The following SNX6 variants were observed in gnomAD, a reference collection of about 807,000 sequenced individuals.
SNX6 encodes sorting nexin 6.
A neutral mutation model predicts 63.0 loss-of-function variants in SNX6; 34 were observed. That is an observed-to-expected ratio of 0.54 (90% CI 0.41 to 0.72). SNX6 has a LOEUF of 0.72. Ranked by LOEUF, SNX6 falls within the 30% of genes least tolerant of loss-of-function variation. The pLI, the probability that SNX6 is intolerant of heterozygous loss-of-function variation, is 0.00. For missense variants in SNX6, 398 were observed against 471.4 expected (o/e 0.84, Z 1.44); for synonymous variants, 170 against 164.2 (o/e 1.04, Z -0.27).
chr14:34,603,505 C>T, intron 5 of SNX6, 34 bp from the exon 6 acceptor site: 1 of 1,517,576 alleles, frequency 6.6e-7, no homozygotes, highest in Non-Finnish European at 8.8e-7. Context: ...AGGTAAAAAA[C>T]TCCATCAACT....
At chr14:34,578,432 G>A (rs868148378) in intron 10 of SNX6, among the ~76,000 whole-genome samples, 10 of 151,598 alleles carry the variant, frequency 6.6e-5, no homozygotes, top group African/African-American at 2.4e-4. Flanking sequence ...AGGAGTTCGA[G>A]GCCAGCCTGG....
At chr14:34,592,896 C>T in intron 8 of SNX6, 149 bp downstream of exon 8, 1 of 602,590 alleles carries the variant, frequency 1.7e-6, no homozygotes, top group Non-Finnish European at 2.9e-6. Flanking sequence ...TTTGACCTCA[C>T]AGGCTCACTA....
In SNX6 at chr14:34,630,104, C is replaced by T. The variant is rs991809147; in HGVS notation, c.6+7G>A. 1.0e-5 allele frequency: 15 copies of T among 1,441,418 alleles called. No individual in the cohort carries two copies. Among genetic ancestry groups the T allele is most frequent in the South Asian group, 2.8e-5 (2 of 71,050 alleles). 89.3% of individuals were successfully genotyped at this position (1,441,418 alleles called of 1,614,324 possible). A position where few individuals can be genotyped will look rare whatever the true frequency, so the allele number is the denominator to read the frequency against. ...TCCCGGGACTCGGCGCCGCGGAGAA[C>T]ACCCACCATCATGGCTGCTCCGAGG... On this transcript the variant is annotated splice_region_variant and intron_variant, in intron 1 of 13. Transcript: ENST00000362031.
chr14:34,616,107 C>G (rs1476667165), intron 2 of SNX6, among the ~76,000 whole-genome samples: 2 of 152,092 alleles, frequency 1.3e-5, no homozygotes, highest in Non-Finnish European at 2.9e-5. Context: ...AGGCATGTGC[C>G]ACCACACCCA....
chr14:34,584,363 G>A lies in SNX6; in HGVS notation c.794+1867C>T, dbSNP rs148392665. Among the ~76,000 whole-genome samples the A allele has an allele frequency of 3.3e-5, 5 of 151,660 alleles. No homozygotes were observed. In the East Asian group the frequency reaches 9.8e-4, roughly 30 times the overall value. ...GTCGCCCAGGCTGGGGTGCAGTGGT[G>A]TGATCTTGGCTCACTGCAATCTCTG... On this transcript the variant is annotated intron_variant, in intron 9 of 13. Coordinates refer to ENST00000362031, the MANE Select transcript of SNX6 (RefSeq NM_152233.4).
chr14:34,568,555 C>G (rs1277635039), intron 11 of SNX6: 3 of 543,086 alleles, frequency 5.5e-6, no homozygotes, highest in Non-Finnish European at 9.9e-6. Context: ...AGGCAGGTCT[C>G]AAACTCCTGG....
At chr14:34,615,672 G>T (rs1003365181) in intron 2 of SNX6, among the ~76,000 whole-genome samples, 4 of 151,588 alleles carry the variant, frequency 2.6e-5, no homozygotes, top group Non-Finnish European at 4.4e-5. Context: ...GGAGTGCAGC[G>T]GTGCAATCAT....
intron 6 of SNX6, 83 bp downstream of exon 6, chr14:34,603,265 G>A (rs1882894080): frequency 7.4e-7 from 1 of 1,355,710 alleles, no homozygotes; most frequent in Non-Finnish European, 9.9e-7. Context: ...CAGCCTGGAA[G>A]ACAGAGCGAG....
chr14:34,615,953 C>A (rs914432853), intron 2 of SNX6, among the ~76,000 whole-genome samples: 2 of 151,950 alleles, frequency 1.3e-5, no homozygotes, highest in African/African-American at 4.8e-5. Flanking sequence ...ATAGGAATGT[C>A]CTTTTTTATT....
At chr14:34,605,546 A>T in intron 5 of SNX6, 50 bp downstream of exon 5, 1 of 1,443,714 alleles carries the variant, frequency 6.9e-7, no homozygotes, top group Non-Finnish European at 9.2e-7. Flanking sequence ...CAATTAACAA[A>T]GGCAACAACA....
chr14:34,610,107 G>T (rs562058133), intron 2 of SNX6, among the ~76,000 whole-genome samples: 2 of 151,680 alleles, frequency 1.3e-5, no homozygotes, highest in African/African-American at 4.9e-5. Flanking sequence ...ACTTTAGGAG[G>T]CTGAAGCGGG....
At chr14:34,591,900 TA>T (rs1346443768) in intron 8 of SNX6, among the ~76,000 whole-genome samples, 2 of 152,182 alleles carry the variant, frequency 1.3e-5, no homozygotes, top group Non-Finnish European at 2.9e-5. Flanking sequence ...AAAAATTAGC[TA>T]GTTCAATCAC....
chr14:34,622,180 T>C (rs550699254), intron 2 of SNX6, among the ~76,000 whole-genome samples: 20 of 151,060 alleles, frequency 1.3e-4, no homozygotes, highest in Non-Finnish European at 8.9e-5. Flanking sequence ...CAGGCTGGTG[T>C]TGAACTCCTT....
chr14:34,570,062 G>GT (rs535291142), intron 11 of SNX6, among the ~76,000 whole-genome samples: 6,214 of 149,002 alleles, frequency 0.042, 212 homozygotes, highest in African/African-American at 0.094. Flanking sequence ...TTTTTTTGGG[G>GT]TTTTTTTTTT....
chr14:34,629,999 G>A, intron 1 of SNX6, 45 bp from the exon 2 acceptor site: 4 of 1,520,510 alleles, frequency 2.6e-6, no homozygotes, highest in South Asian at 1.2e-5. Context: ...AGGATGAGAT[G>A]GGGGAGACAC....
At chr14:34,622,812 C>T (rs58688462) in intron 2 of SNX6, among the ~76,000 whole-genome samples, 57,217 of 151,964 alleles carry the variant, frequency 0.38, 12,585 homozygotes, top group East Asian at 0.73. Flanking sequence ...CAGCTCCTAC[C>T]GGCTGTATGA....
chr14:34,568,895 T>A (rs1881314216), intron 11 of SNX6: 1 of 1,220,800 alleles, frequency 8.2e-7, no homozygotes, highest in Non-Finnish European at 1.2e-6. Context: ...CCCCCATAGA[T>A]CTTGGTCATG....
chr14:34,595,948 G>A lies in SNX6; in HGVS notation c.612+1602C>T, dbSNP rs143724890. 1.4e-3 allele frequency among the ~76,000 whole-genome samples: 206 copies of A among 152,098 alleles called. 6 individuals carry two copies. In the East Asian group the frequency reaches 0.033, roughly 24 times the overall value. On this transcript the variant is annotated intron_variant, in intron 7 of 13. Transcript: ENST00000362031. Reference sequence around the variant, plus strand: ...AGTATAGGTGTTTTCGGCCGGGCGCGGTGGCTCACGCCTGTAATCCCAGCA... The same window carrying A: ...AGTATAGGTGTTTTCGGCCGGGCGCAGTGGCTCACGCCTGTAATCCCAGCA...
chr14:34,609,186 C>A (rs1046676790), intron 3 of SNX6, among the ~76,000 whole-genome samples: 5 of 150,124 alleles, frequency 3.3e-5, no homozygotes, highest in Non-Finnish European at 5.9e-5. Flanking sequence ...GAATATTAAT[C>A]TAAAAAAAGT....
Sources: gnomAD v4.1 joint callset for allele counts (sites outside exome capture counted in the v4.1 genomes callset) on GRCh38, gnomAD v4.1.1 for gene constraint, MANE v1.5 for transcripts, NCBI Gene and HGNC (gene_info 2026-07-23, HGNC 2026-07-21) for gene names.